Variants in PIEZO2 observed in about 807,000 individuals in gnomAD.
PIEZO2 encodes piezo type mechanosensitive ion channel component 2.
PIEZO2 carries 172 observed loss-of-function variants against 337.3 expected under a neutral mutation model. The ratio of observed to expected loss-of-function variants is 0.51; its 90% confidence interval spans 0.45 to 0.58. The LOEUF is 0.58. Ranked by LOEUF, PIEZO2 falls within the 20% of genes least tolerant of loss-of-function variation. The pLI is 0.00. For missense variants in PIEZO2, 3,028 were observed against 3,391.3 expected, an observed-to-expected ratio of 0.89 and a Z score of 2.66; for synonymous variants, 1,251 against 1,228.5, an observed-to-expected ratio of 1.02 and a Z score of -0.38.
intron 49 of PIEZO2, among the ~76,000 whole-genome samples, chr18:10,685,838 G>C (rs550407519): frequency 6.6e-6 from 1 of 152,284 alleles, no homozygotes; most frequent in Admixed American, 6.5e-5. Flanking sequence ...CAGCAGAGGA[G>C]CTCCCCCATC....
intron 36 of PIEZO2, among the ~76,000 whole-genome samples, chr18:10,730,865 T>A (rs56060456): frequency 6.6e-6 from 1 of 152,282 alleles, no homozygotes; most frequent in African/African-American, 2.4e-5. Context: ...TAGCTGGGAC[T>A]ACAGGCGTCC....
intron 4 of PIEZO2, among the ~76,000 whole-genome samples, chr18:10,886,090 A>AAC (rs373741484): frequency 1.6e-3 from 247 of 150,682 alleles, no homozygotes; most frequent in African/African-American, 5.3e-3. Flanking sequence ...CAAAATCACT[A>AAC]ACACACACAC....
intron 17 of PIEZO2, among the ~76,000 whole-genome samples, chr18:10,782,589 G>A (rs148190961): frequency 4.3e-4 from 63 of 145,062 alleles, no homozygotes; most frequent in African/African-American, 1.6e-3. Flanking sequence ...AAACTCTTCA[G>A]AGAACTGGCA....
chr18:10,805,371 C>G (rs1598506350), intron 8 of PIEZO2, among the ~76,000 whole-genome samples: 1 of 152,084 alleles, frequency 6.6e-6, no homozygotes, highest in East Asian at 1.9e-4. Context: ...AAAAAATTAG[C>G]CAGGCGTGGT....
chr18:10,875,990 C>T (rs1056697233), intron 4 of PIEZO2, among the ~76,000 whole-genome samples: 2 of 152,246 alleles, frequency 1.3e-5, no homozygotes, highest in South Asian at 2.1e-4. Context: ...TTAACTACTA[C>T]TCTTGGCTTG....
intron 2 of PIEZO2, among the ~76,000 whole-genome samples, chr18:11,063,573 G>T (rs184799912): frequency 2.0e-5 from 3 of 152,242 alleles, no homozygotes; most frequent in Admixed American, 2.0e-4. Flanking sequence ...TACCTCATCA[G>T]ACCAAATGGT....
intron 21 of PIEZO2, among the ~76,000 whole-genome samples, chr18:10,763,751 A>T (rs966658806): frequency 4.6e-5 from 7 of 152,194 alleles, no homozygotes; most frequent in Non-Finnish European, 8.8e-5. Context: ...AGATAAATGT[A>T]ACTGATGAAT....
chr18:10,782,054 G>A (rs1208314341), intron 17 of PIEZO2, among the ~76,000 whole-genome samples: 1 of 148,780 alleles, frequency 6.7e-6, no homozygotes, highest in Admixed American at 6.8e-5. Context: ...ACTCCCATGA[G>A]GAAGAGTTGC....
In PIEZO2 at chr18:10,942,239, C is replaced by A. The variant is rs531175731; in HGVS notation, c.287-31011G>T. Among the ~76,000 whole-genome samples, 1 of 152,188 alleles carries A rather than the reference C, an allele frequency of 6.6e-6. No individual in the cohort carries two copies. Among genetic ancestry groups the A allele is most frequent in the South Asian group, 2.1e-4 (1 of 4,820 alleles). Reference sequence around the variant, plus strand: ...GAAAAGATATCCCAAAATGTGAAAGCGATTTTGGAACTGGGTAACATGCAG... The same window carrying A: ...GAAAAGATATCCCAAAATGTGAAAGAGATTTTGGAACTGGGTAACATGCAG... On this transcript the variant is annotated intron_variant, in intron 3 of 55. Transcript: ENST00000674853. This position sits in a 1 kb window ranked among gnomAD's most constrained non-coding sequence, Gnocchi z 4.4.
intron 51 of PIEZO2, among the ~76,000 whole-genome samples, 185 bp downstream of exon 51, chr18:10,681,476 A>G (rs1006707280): frequency 2.6e-5 from 4 of 152,222 alleles, no homozygotes; most frequent in Admixed American, 2.6e-4. Context: ...AATGTCCAAC[A>G]ACATAGACAT....
intron 5 of PIEZO2, among the ~76,000 whole-genome samples, chr18:10,866,418 T>TG (rs993076725): frequency 4.0e-5 from 6 of 151,864 alleles, no homozygotes; most frequent in Non-Finnish European, 5.9e-5. Context: ...CCTGAGTAGG[T>TG]GGGACTACAG....
At chr18:10,674,818 C>T (rs8095590) in intron 54 of PIEZO2, among the ~76,000 whole-genome samples, 69,207 of 152,048 alleles carry the variant, frequency 0.46, 16,280 homozygotes, top group East Asian at 0.63. Flanking sequence ...AATCCTTGGG[C>T]TGAATCAAGT....
chr18:10,865,720 G>A (rs1192867048), intron 5 of PIEZO2, among the ~76,000 whole-genome samples: 1 of 152,162 alleles, frequency 6.6e-6, no homozygotes, highest in Non-Finnish European at 1.5e-5. Flanking sequence ...TTCTATTTCA[G>A]GGGTATTTAC....
Position 11,108,351 on chromosome 18 carries a change from T to C in PIEZO2, c.64+40174A>G, listed in dbSNP as rs544527918. ...ACAGCCGGGGCCAGGCACGGTGGCT[T>C]ACACCTGTAATCCCAGCACTTTGGG... On this transcript the variant is annotated intron_variant, in intron 1 of 55. Transcript: ENST00000674853. 3.5e-4 allele frequency among the ~76,000 whole-genome samples: 54 copies of C among 152,176 alleles called. No homozygotes were observed. The East Asian group carries it at 3.9e-3, about 11-fold the overall frequency.
Position 10,741,211 on chromosome 18 carries a change from A to G in PIEZO2, c.4637-109T>C, listed in dbSNP as rs912815575. The G allele has an allele frequency of 8.6e-6, 8 of 930,826 alleles. No homozygotes were observed. In the African/African-American group the frequency reaches 1.2e-4, roughly 14 times the overall value. 57.7% of individuals were successfully genotyped at this position (930,826 alleles called of 1,614,324 possible). A position where few individuals can be genotyped will look rare whatever the true frequency, so the allele number is the denominator to read the frequency against. ...AAATCTAGGTAAATTGCAAAAGTAT[A>G]TCAGAGGTCAGGTAAAGGAACTATA... On this transcript the variant is annotated intron_variant, in intron 32 of 55. Transcript: ENST00000674853.
At position 10,766,991 on chromosome 18, in the gene PIEZO2, T is replaced by G; in HGVS notation, c.2946+3157A>C. 7.2e-6 allele frequency among the ~76,000 whole-genome samples: 1 copy of G among 139,286 alleles called. No individual in the cohort carries two copies. The highest frequency in any genetic ancestry group is 1.6e-5 in the Non-Finnish European group (1 of 63,460). 91.4% of individuals were successfully genotyped at this position (139,286 alleles called of 152,430 possible). ...TTCCTTCCTCCCACCTTCCATTCCC[T>G]CCCCTCCCCTCCCCTCCCCTTCCCT... On this transcript the variant is annotated intron_variant, in intron 21 of 55. Coordinates refer to ENST00000674853, the MANE Select transcript of PIEZO2 (RefSeq NM_001378183.1). This position sits in a 1 kb window ranked among gnomAD's most constrained non-coding sequence, Gnocchi z 6.1.
chr18:11,140,096 G>C (rs1599020746), intron 1 of PIEZO2, among the ~76,000 whole-genome samples: 1 of 152,314 alleles, frequency 6.6e-6, no homozygotes, highest in South Asian at 2.1e-4. Flanking sequence ...AGTGGCAGCA[G>C]CTTCCACTGC....
chr18:10,678,515 T>A (rs991687133), intron 52 of PIEZO2, among the ~76,000 whole-genome samples: 4 of 152,200 alleles, frequency 2.6e-5, no homozygotes, highest in African/African-American at 9.6e-5. Flanking sequence ...GCTTCTTTTT[T>A]AATTCTAACT....
At chr18:10,793,143 C>T (rs2039464048) in intron 13 of PIEZO2, among the ~76,000 whole-genome samples, 3 of 152,072 alleles carry the variant, frequency 2.0e-5, no homozygotes, top group Admixed American at 2.0e-4. Flanking sequence ...CCTGTAGTCC[C>T]AGCTACTCGG....
Sources: gnomAD v4.1 joint callset for allele counts (sites outside exome capture counted in the v4.1 genomes callset) on GRCh38, gnomAD v4.1.1 for gene constraint, Gnocchi (gnomAD v3.1) non-coding constraint, MANE v1.5 for transcripts, NCBI Gene and HGNC (gene_info 2026-07-23, HGNC 2026-07-21) for gene names.